Variants in GPR89A observed in about 807,000 individuals in gnomAD.
GPR89A encodes the protein G protein-coupled receptor 89A.
A neutral mutation model predicts 52.0 loss-of-function variants in GPR89A; 16 were observed. The ratio of observed to expected loss-of-function variants is 0.31; its 90% confidence interval spans 0.21 to 0.47. The LOEUF (loss-of-function observed/expected upper bound fraction) is 0.47. GPR89A is among the 20% of genes least tolerant of loss of function. The pLI, the probability that GPR89A is intolerant of heterozygous loss-of-function variation, is 1.00. For missense variants in GPR89A, 135 were observed against 449.4 expected (o/e 0.30, Z 6.33); for synonymous variants, 55 against 150.9 (o/e 0.36, Z 4.66).
chr1:145,639,351 G>A (rs1433587173), intron 7 of GPR89A, among the ~76,000 whole-genome samples: 2 of 151,960 alleles, frequency 1.3e-5, no homozygotes, highest in Non-Finnish European at 2.9e-5. Context: ...CAGTATGAGA[G>A]GAATTCCTCT....
At chr1:145,611,035 T>C (rs1188847590) in intron 1 of GPR89A, among the ~76,000 whole-genome samples, 5 of 152,166 alleles carry the variant, frequency 3.3e-5, no homozygotes, top group African/African-American at 1.2e-4. Context: ...AATAAGAAGC[T>C]ATACGCCTTC....
intron 1 of GPR89A, among the ~76,000 whole-genome samples, chr1:145,614,179 G>A (rs1553686614): frequency 6.6e-6 from 1 of 152,046 alleles, no homozygotes; most frequent in East Asian, 1.9e-4. Flanking sequence ...CTAGAAAAAT[G>A]CACATAACCC....
Position 145,666,403 on chromosome 1 carries a change from A to G in GPR89A, c.1095+752A>G, listed in dbSNP as rs587624814. Among the ~76,000 whole-genome samples, 256 of 152,066 alleles carry G rather than the reference A, an allele frequency of 1.7e-3. 2 individuals are homozygous for G. The highest frequency in any genetic ancestry group is 6.0e-3 in the African/African-American group (249 of 41,496). On this transcript the variant is annotated intron_variant, in intron 12 of 13. Coordinates refer to ENST00000313835, the MANE Select transcript of GPR89A (RefSeq NM_001097612.2). ...GGAAACAGCAGCTTTAAGCAAAACT[A>G]TATACCAAGTCCTCAAAAAAATGTT...
chr1:145,610,019 T>C (rs1485870252), intron 1 of GPR89A, among the ~76,000 whole-genome samples: 1 of 152,192 alleles, frequency 6.6e-6, no homozygotes, highest in Non-Finnish European at 1.5e-5. Flanking sequence ...TTACTATGGT[T>C]CATTTGTATA....
chr1:145,667,968 A>G (rs1348728870), intron 12 of GPR89A, among the ~76,000 whole-genome samples: 2 of 152,206 alleles, frequency 1.3e-5, no homozygotes, highest in Admixed American at 1.3e-4. Flanking sequence ...TGTTTTGGTT[A>G]CTGTAGCCTT....
chr1:145,666,617 AT>A (rs1273806918), intron 12 of GPR89A, among the ~76,000 whole-genome samples: 1 of 151,276 alleles, frequency 6.6e-6, no homozygotes, highest in Non-Finnish European at 1.5e-5. Context: ...GGTTTGTTAC[AT>A]TTGGATACAT....
intron 10 of GPR89A, among the ~76,000 whole-genome samples, chr1:145,653,543 A>G (rs1651608932): frequency 6.9e-6 from 1 of 145,744 alleles, no homozygotes; most frequent in Admixed American, 7.0e-5. Flanking sequence ...TTTCTGTCTC[A>G]ATGATCTGTG....
chr1:145,657,371 A>G (rs1651878067), intron 10 of GPR89A, among the ~76,000 whole-genome samples: 1 of 148,212 alleles, frequency 6.7e-6, no homozygotes, highest in Admixed American at 6.8e-5. Context: ...AGCTTGAATG[A>G]CAGAGGGAGA....
intron 5 of GPR89A, among the ~76,000 whole-genome samples, chr1:145,629,160 G>T (rs1306022790): frequency 6.6e-6 from 1 of 152,070 alleles, no homozygotes; most frequent in African/African-American, 2.4e-5. Flanking sequence ...CAATATCCCA[G>T]AACTCACATA....
intron 10 of GPR89A, among the ~76,000 whole-genome samples, chr1:145,661,134 T>G (rs1366845902): frequency 3.4e-5 from 5 of 146,334 alleles, no homozygotes; most frequent in East Asian, 2.0e-4. Flanking sequence ...CCATAAAAAA[T>G]GATGAGTTCA....
At chr1:145,624,483 A>G (rs1233785686) in intron 5 of GPR89A, among the ~76,000 whole-genome samples, 1 of 149,136 alleles carries the variant, frequency 6.7e-6, no homozygotes, top group African/African-American at 2.6e-5. Flanking sequence ...TAAATATACT[A>G]CAGGTTTCAT....
Position 145,654,572 on chromosome 1 carries a change from CAG to C in GPR89A, c.909+7307_909+7308del, listed in dbSNP as rs1373125449. Among the ~76,000 whole-genome samples, 84 of 80,020 alleles carry C rather than the reference CAG, an allele frequency of 1.0e-3. 2 individuals are homozygous for C. The highest frequency in any genetic ancestry group is 6.5e-3 in the Admixed American group (52 of 8,028). The allele number at this position is 80,020 out of a possible 152,430, so 52.5% of individuals were successfully genotyped here. A position where few individuals can be genotyped will look rare whatever the true frequency, so the allele number is the denominator to read the frequency against. ...CATCTACAAAAAAAAAAAAAAAAAA[CAG>C]AATGTTGAATATTGACTCCCAATTG... On this transcript the variant is annotated intron_variant, in intron 10 of 13. Transcript: ENST00000313835.
chr1:145,619,765 C>A (rs1230530652), intron 3 of GPR89A, among the ~76,000 whole-genome samples: 1 of 152,050 alleles, frequency 6.6e-6, no homozygotes, highest in African/African-American at 2.4e-5. Flanking sequence ...CCTGTAATCC[C>A]AGCACTTTGG....
At chr1:145,615,829 A>AGACT (rs1340460671) in intron 1 of GPR89A, among the ~76,000 whole-genome samples, 1 of 152,058 alleles carries the variant, frequency 6.6e-6, no homozygotes, top group African/African-American at 2.4e-5. Context: ...CATGTTGGCC[A>AGACT]GACTGGTCTT....
intron 5 of GPR89A, among the ~76,000 whole-genome samples, chr1:145,627,871 A>G (rs1473885550): frequency 2.0e-5 from 3 of 151,440 alleles, no homozygotes; most frequent in African/African-American, 7.4e-5. Flanking sequence ...AGGAGACATC[A>G]TGTAAAGCCC....
intron 1 of GPR89A, among the ~76,000 whole-genome samples, chr1:145,609,694 T>TA (rs782249995): frequency 1.3e-5 from 2 of 152,232 alleles, no homozygotes; most frequent in Non-Finnish European, 2.9e-5. Flanking sequence ...ATATAATTGA[T>TA]ACGTTGAACC....
In GPR89A at chr1:145,663,395, A is replaced by C; in HGVS notation, c.976A>C (p.Thr326Pro). The part of the protein sequence containing the change: ...TDPVTRGIEI[T>P]VNYLGIQFDV... ...TCCTGTCACAAGAGGCATTGAGATC[A>C]CTGTGAATTATCTGGGAATCCAATT... Residue 326 changes from threonine (T) to proline (P), a missense_variant, in exon 11 of 14, where the codon ACT becomes CCT. Physicochemically the swap from Thr to Pro is conservative, Grantham distance 38. Around this residue, in one of 10 missense-constraint regions of GPR89A, gnomAD observed 28 missense variants for 61.6 expected, o/e 0.45. Transcript: ENST00000313835. 6.2e-7 allele frequency: 1 copy of C among 1,610,488 alleles called. No homozygotes were observed. Among genetic ancestry groups the C allele is most frequent in the South Asian group, 1.1e-5 (1 of 90,858 alleles).
At chr1:145,614,649 C>CA (rs1553686669) in intron 1 of GPR89A, among the ~76,000 whole-genome samples, 2 of 151,558 alleles carry the variant, frequency 1.3e-5, no homozygotes, top group Admixed American at 6.6e-5. Context: ...AATCTAATGT[C>CA]AAAAAATATT....
chr1:145,660,367 G>A (rs1369792149), intron 10 of GPR89A, among the ~76,000 whole-genome samples: 10 of 151,612 alleles, frequency 6.6e-5, no homozygotes, highest in Middle Eastern at 3.4e-3. Context: ...AAACCTAGGC[G>A]TTACCATTCA....
Sources: gnomAD v4.1 joint callset for allele counts (sites outside exome capture counted in the v4.1 genomes callset) on GRCh38, gnomAD v4.1.1 for gene constraint, gnomAD v4.1.1 regional missense constraint, MANE v1.5 for transcripts, NCBI Gene and HGNC (gene_info 2026-07-23, HGNC 2026-07-21) for gene names.